DDX60: variants seen among roughly 807,000 people sequenced by gnomAD.
DDX60 encodes probable ATP-dependent RNA helicase DDX60.
A neutral mutation model predicts 212.8 loss-of-function variants in DDX60; 165 were observed. The ratio of observed to expected loss-of-function variants is 0.78; its 90% CI spans 0.68 to 0.88. The LOEUF is 0.88. Among genes scored for constraint, DDX60 ranks in the 40% least tolerant of loss-of-function variants. The pLI is 0.00. For synonymous variants in DDX60, 703 were observed against 685.3 expected (o/e 1.03, Z -0.40); for missense variants, 1,905 against 2,003.9 (o/e 0.95, Z 0.94).
Position 168,240,979 on chromosome 4 carries a change from T to G in DDX60, c.4165-3184A>C, listed in dbSNP as rs116232680. ...CCCGCATGTCATAGAAGGAACCCAG[T>G]GGGAGGTAATTGAATCATGGGGGCA... On this transcript the variant is annotated intron_variant, in intron 30 of 37. Transcript: ENST00000393743. 7.6e-3 allele frequency among the ~76,000 whole-genome samples: 1,157 copies of G among 152,320 alleles called. 10 individuals carry two copies. Among genetic ancestry groups the G allele is most frequent in the Non-Finnish European group, 9.9e-3 (673 of 68,030 alleles).
chr4:168,267,460 G>A (rs1734896819), intron 22 of DDX60, 122 bp downstream of exon 22: 2 of 442,812 alleles, frequency 4.5e-6, no homozygotes, highest in Admixed American at 4.3e-5. Flanking sequence ...TAAAGTATCA[G>A]TTTCTGTAAT....
chr4:168,263,120 T>C (rs1734693090), intron 22 of DDX60, among the ~76,000 whole-genome samples: 1 of 152,222 alleles, frequency 6.6e-6, no homozygotes, highest in Non-Finnish European at 1.5e-5. Flanking sequence ...ATAACTTCTA[T>C]CTTACAGCTA....
chr4:168,308,995 T>C lies in DDX60; in HGVS notation c.75-800A>G, dbSNP rs577488750. ...TTATCTAAACTTATGCACGCACTTA[T>C]AGACTACACATGGCAGCTTTCAGAG... On this transcript the variant is annotated intron_variant, in intron 3 of 37. Coordinates refer to ENST00000393743, the MANE Select transcript of DDX60 (RefSeq NM_017631.6). Among the ~76,000 whole-genome samples, 139 of 152,268 alleles carry C rather than the reference T, an allele frequency of 9.1e-4. 2 individuals carry two copies. Among genetic ancestry groups the C allele is most frequent in the African/African-American group, 2.9e-3 (119 of 41,562 alleles).
rs1289953539 is a variant in DDX60, at chr4:168,236,288, C to A, written c.4497G>T (p.Lys1499Asn). 6.2e-7 allele frequency: 1 copy of A among 1,610,954 alleles called. No homozygotes were observed. The part of the protein sequence containing the change: ...HLFGRRYFPP[K>N]FQDAHFEFYQ... ...AAAACTCGAAGTGTGCATCTTGGAACTTTGGTGGAAAATATCTTCTTCCAA... is the reference window on the plus strand; with the variant it reads ...AAAACTCGAAGTGTGCATCTTGGAAATTTGGTGGAAAATATCTTCTTCCAA... The change falls in exon 33 of 38, where the codon AAG becomes AAT. Residue 1499 changes from lysine to asparagine, a missense_variant. By Grantham distance (94) the Lys-to-Asn change is moderately conservative (BLOSUM62 0). Coordinates refer to ENST00000393743, the MANE Select transcript of DDX60 (RefSeq NM_017631.6).
intron 30 of DDX60, among the ~76,000 whole-genome samples, chr4:168,239,439 G>C (rs918803354): frequency 1.3e-5 from 2 of 152,016 alleles, no homozygotes; most frequent in African/African-American, 2.4e-5. Context: ...TAGAAATATA[G>C]ATGATAGACA....
At position 168,302,385 on chromosome 4, in the gene DDX60, G is replaced by A; in HGVS notation, c.638C>T (p.Thr213Ile). ...NKQNIKDAYTTLLNQLERFKL... is the reference protein window; with the variant it reads ...NKQNIKDAYTILLNQLERFKL... ...AAATCTTTCCAACTGGTTAAGCAGG[G>A]TTGTATAAGCATCTTTAATGTTCTG... The change falls in exon 6 of 38, where the codon ACC (threonine) becomes ATC (isoleucine). Residue 213 changes from threonine (T) to isoleucine (I), a missense_variant. By Grantham distance (89) the Thr-to-Ile change is moderately conservative (BLOSUM62 -1). Coordinates refer to ENST00000393743, the MANE Select transcript of DDX60 (RefSeq NM_017631.6). 1 of 1,576,576 alleles carries A rather than the reference G, an allele frequency of 6.3e-7. No individual in the cohort carries two copies. The highest frequency in any genetic ancestry group is 8.6e-7 in the Non-Finnish European group (1 of 1,162,260).
chr4:168,308,317 G>T (rs952875637), intron 3 of DDX60, 122 bp from the exon 4 acceptor site: 3 of 617,892 alleles, frequency 4.9e-6, no homozygotes, highest in Non-Finnish European at 8.3e-6. Context: ...GTTGTCTCAT[G>T]GCAGTGTCTA....
intron 6 of DDX60, among the ~76,000 whole-genome samples, chr4:168,298,910 C>G (rs1240577944): frequency 1.3e-5 from 2 of 151,684 alleles, no homozygotes; most frequent in South Asian, 2.1e-4. Context: ...TGCCTGTAAT[C>G]CCAGCACGTT....
chr4:168,224,163 A>T (rs1733164113), intron 35 of DDX60, 80 bp downstream of exon 35: 1 of 1,501,834 alleles, frequency 6.7e-7, no homozygotes, highest in Non-Finnish European at 9.1e-7. Flanking sequence ...GGAAATTCGA[A>T]GTTCTTTCTA....
intron 16 of DDX60, 143 bp from the exon 17 acceptor site, chr4:168,274,226 A>C (rs893693340): frequency 6.0e-6 from 6 of 996,430 alleles, no homozygotes; most frequent in Non-Finnish European, 7.2e-6. Context: ...TCATTCTCTC[A>C]GAAGAGATCA....
intron 6 of DDX60, among the ~76,000 whole-genome samples, chr4:168,297,378 G>GA (rs997773887): frequency 1.9e-5 from 1 of 53,876 alleles, no homozygotes; most frequent in Non-Finnish European, 3.5e-5. Flanking sequence ...AAGAAAGAAA[G>GA]AAAGAGAAAG....
intron 6 of DDX60, among the ~76,000 whole-genome samples, chr4:168,294,227 A>G (rs1285668290): frequency 6.6e-6 from 1 of 152,188 alleles, no homozygotes; most frequent in Non-Finnish European, 1.5e-5. Context: ...ATGAAATGAA[A>G]TTAGATCCTC....
intron 33 of DDX60, among the ~76,000 whole-genome samples, chr4:168,235,387 G>A (rs551312897): frequency 1.3e-5 from 2 of 151,980 alleles, no homozygotes; most frequent in Admixed American, 1.3e-4. Context: ...TTTTTATCAT[G>A]AGCTTCTTTT....
chr4:168,300,868 C>T (rs1736619845), intron 6 of DDX60, among the ~76,000 whole-genome samples: 1 of 152,066 alleles, frequency 6.6e-6, no homozygotes, highest in Non-Finnish European at 1.5e-5. Flanking sequence ...CTTATAATCT[C>T]ATTGACTTTT....
At chr4:168,242,184 T>C (rs1377319009) in intron 30 of DDX60, among the ~76,000 whole-genome samples, 1 of 152,180 alleles carries the variant, frequency 6.6e-6, no homozygotes, top group East Asian at 1.9e-4. Flanking sequence ...AGGCAGAAGT[T>C]TGCTGCAGAG....
At chr4:168,269,231 C>T (rs975279572) in intron 19 of DDX60, among the ~76,000 whole-genome samples, 4 of 152,148 alleles carry the variant, frequency 2.6e-5, no homozygotes, top group Non-Finnish European at 2.9e-5. Flanking sequence ...ATCTCAGCAG[C>T]GTTACCACAA....
chr4:168,265,056 T>C (rs979688111), intron 22 of DDX60, among the ~76,000 whole-genome samples: 8 of 152,288 alleles, frequency 5.3e-5, no homozygotes, highest in Admixed American at 4.6e-4. Flanking sequence ...CTGGGGCTGA[T>C]AGCTCTCCAG....
intron 3 of DDX60, 84 bp downstream of exon 3, chr4:168,310,914 G>T (rs1228293405): frequency 9.1e-6 from 7 of 772,106 alleles, no homozygotes; most frequent in Non-Finnish European, 1.5e-5. Flanking sequence ...ATGGTCAACT[G>T]TCTATAAATC....
intron 18 of DDX60, among the ~76,000 whole-genome samples, chr4:168,272,804 AATC>A (rs1735161500): frequency 6.6e-6 from 1 of 152,350 alleles, no homozygotes; most frequent in South Asian, 2.1e-4. Flanking sequence ...AATCTTCTAT[AATC>A]ATGTGTTCAT....
Sources: gnomAD v4.1 joint callset for allele counts (sites outside exome capture counted in the v4.1 genomes callset) on GRCh38, gnomAD v4.1.1 for gene constraint, MANE v1.5 for transcripts, NCBI Gene and HGNC (gene_info 2026-07-23, HGNC 2026-07-21) for gene names.